The following MN1 variants were observed in gnomAD, a reference collection of about 807,000 sequenced individuals.
The protein encoded by MN1 is MN1 proto-oncogene, transcriptional regulator.
A neutral mutation model predicts 86.9 loss-of-function variants in MN1; 19 were observed. The observed-to-expected ratio is 0.22, with a 90% CI of 0.15 to 0.32. The LOEUF is 0.32. MN1 is among the 10% of genes least tolerant of loss of function. MN1 has a pLI of 1.00. For missense variants in MN1, 1,841 were observed against 1,862.0 expected, an observed-to-expected ratio of 0.99 and a Z score of 0.21; for synonymous variants, 928 against 849.6, an observed-to-expected ratio of 1.09 and a Z score of -1.60.
At chr22:27,785,056 CCACACA>C (rs57257445) in intron 1 of MN1, among the ~76,000 whole-genome samples, 21,979 of 144,740 alleles carry the variant, frequency 0.15, 1,712 homozygotes, top group Non-Finnish European at 0.18. Context: ...CTGGCATCCG[CCACACA>C]CACACACACA....
chr22:27,800,959 G>A lies in MN1; in HGVS notation c.-416C>T, dbSNP rs1047072685. 3.5e-5 allele frequency: 12 copies of A among 340,138 alleles called. 2 individuals carry two copies. In the South Asian group the frequency reaches 4.5e-4, roughly 13 times the overall value. 21.1% of individuals were successfully genotyped at this position (340,138 alleles called of 1,614,324 possible). On this transcript the variant is annotated 5_prime_UTR_variant, in exon 1 of 2. Coordinates refer to ENST00000302326, the MANE Select transcript of MN1 (RefSeq NM_002430.3). ...CACCTTCTCAAGTCCGATTGGGTCTGCTGGGGAGCCCTCAGGACGCCGCCC... is the reference window on the plus strand; with the variant it reads ...CACCTTCTCAAGTCCGATTGGGTCTACTGGGGAGCCCTCAGGACGCCGCCC...
In MN1 at chr22:27,798,204, A is replaced by ACCGCCG; in HGVS notation, c.2334_2339dup (p.Gly782_Gly783dup). 1 of 1,527,596 alleles carries ACCGCCG rather than the reference A, an allele frequency of 6.5e-7. No individual in the cohort carries two copies. The highest frequency in any genetic ancestry group is 8.7e-7 in the Non-Finnish European group (1 of 1,146,062). The allele number at this position is 1,527,596 out of a possible 1,614,324, so 94.6% of individuals were successfully genotyped here. A position where few individuals can be genotyped will look rare whatever the true frequency, so the allele number is the denominator to read the frequency against. On this transcript the variant is annotated inframe_insertion, in exon 1 of 2. Transcript: ENST00000302326. Reference sequence around the variant, plus strand: ...GCTGCGGCGGGTAGGCACCCCCGCCACCGCCGCCACCAGAGCTGCCACCGC... The same window carrying ACCGCCG: ...GCTGCGGCGGGTAGGCACCCCCGCCACCGCCGCCGCCGCCACCAGAGCTGCCACCGC...
chr22:27,763,434 T>C (rs1004678312), intron 1 of MN1, among the ~76,000 whole-genome samples: 1 of 152,200 alleles, frequency 6.6e-6, no homozygotes, highest in South Asian at 2.1e-4. Flanking sequence ...TCACGCACTT[T>C]GGAGACAGAG....
intron 1 of MN1, among the ~76,000 whole-genome samples, chr22:27,773,688 G>A (rs939594268): frequency 1.3e-5 from 2 of 152,094 alleles, no homozygotes; most frequent in African/African-American, 4.8e-5. Flanking sequence ...ATAGAGTCTC[G>A]CTCTGTTGCC....
chr22:27,788,234 A>G (rs1933164085), intron 1 of MN1, among the ~76,000 whole-genome samples: 2 of 151,980 alleles, frequency 1.3e-5, no homozygotes, highest in East Asian at 1.9e-4. Context: ...CCGCACCCCA[A>G]TTTCCATCTA....
Position 27,799,288 on chromosome 22 carries a change from A to G in MN1, c.1256T>C (p.Met419Thr), listed in dbSNP as rs1396583416. Residue 419 changes from methionine (M) to threonine (T), a missense_variant, in exon 1 of 2, where the codon ATG becomes ACG. Transcript: ENST00000302326. ...GAAAACAGGCTCGGAATAAGGGTGC[A>G]TGCTCCGGTTCTCCAGCCGGTGGAT... ...YPIHRLENRS[M>T]HPYSEPVFSM... 6.3e-7 allele frequency: 1 copy of G among 1,587,740 alleles called. No homozygotes were observed. The highest frequency in any genetic ancestry group is 8.6e-7 in the Non-Finnish European group (1 of 1,167,012).
At chr22:27,787,443 T>G (rs1287550432) in intron 1 of MN1, among the ~76,000 whole-genome samples, 2 of 152,248 alleles carry the variant, frequency 1.3e-5, no homozygotes, top group East Asian at 3.9e-4. Context: ...AGACTCTTAA[T>G]TTCTCCAGCT....
Position 27,750,626 on chromosome 22 carries a change from A to C in MN1, c.*289T>G. The C allele has an allele frequency of 6.7e-6, 2 of 297,042 alleles. No individual in the cohort carries two copies. Among genetic ancestry groups the C allele is most frequent in the Non-Finnish European group, 1.2e-5 (2 of 161,422 alleles). The allele number at this position is 297,042 out of a possible 1,614,324, so 18.4% of individuals were successfully genotyped here. On this transcript the variant is annotated 3_prime_UTR_variant, in exon 2 of 2. Coordinates refer to ENST00000302326, the MANE Select transcript of MN1 (RefSeq NM_002430.3). The stretch of plus-strand genomic sequence containing the variant: ...CGAAACATGGGGAGTATCTAGAGGA[A>C]AAAGGCTTAAGCAAAAGTTTGCTAA...
chr22:27,789,813 A>G (rs970804355), intron 1 of MN1, among the ~76,000 whole-genome samples: 2 of 152,250 alleles, frequency 1.3e-5, no homozygotes, highest in African/African-American at 4.8e-5. Flanking sequence ...TGCAATCACT[A>G]TAAAGTTCTC....
intron 1 of MN1, among the ~76,000 whole-genome samples, chr22:27,756,302 C>T (rs1382322686): frequency 3.9e-5 from 6 of 152,202 alleles, no homozygotes; most frequent in African/African-American, 1.4e-4. Flanking sequence ...AAACAGGCCT[C>T]GTCATCACCC....
At chr22:27,796,233 C>CA (rs1307525703) in intron 1 of MN1, among the ~76,000 whole-genome samples, 1 of 152,104 alleles carries the variant, frequency 6.6e-6, no homozygotes, top group East Asian at 1.9e-4. Context: ...GTGATGCTGC[C>CA]GACACCAGGG....
intron 1 of MN1, among the ~76,000 whole-genome samples, chr22:27,752,868 G>A (rs939881790): frequency 1.3e-5 from 2 of 152,298 alleles, no homozygotes; most frequent in Admixed American, 6.5e-5. Flanking sequence ...CTCCATGACC[G>A]GCCTGCCCTC....
chr22:27,766,856 T>C (rs1932873719), intron 1 of MN1, among the ~76,000 whole-genome samples: 1 of 152,150 alleles, frequency 6.6e-6, no homozygotes, highest in African/African-American at 2.4e-5. Flanking sequence ...GAGTTTGTAG[T>C]ACGCTGTCAC....
intron 1 of MN1, among the ~76,000 whole-genome samples, chr22:27,764,368 GC>G (rs1175307992): frequency 1.3e-5 from 2 of 152,194 alleles, no homozygotes; most frequent in African/African-American, 4.8e-5. Context: ...CTGGCCAGGT[GC>G]CCAAGGCAGC....
At chr22:27,779,011 CA>C (rs1485310105) in intron 1 of MN1, among the ~76,000 whole-genome samples, 1 of 152,298 alleles carries the variant, frequency 6.6e-6, no homozygotes, top group East Asian at 1.9e-4. Flanking sequence ...CCCACCCCTG[CA>C]GAGATGGGGG....
intron 1 of MN1, among the ~76,000 whole-genome samples, chr22:27,789,702 T>G (rs1316184706): frequency 6.6e-6 from 1 of 152,260 alleles, no homozygotes; most frequent in Non-Finnish European, 1.5e-5. Context: ...AGCATGTTAT[T>G]ACAAATGCTC....
At chr22:27,796,435 G>A (rs12157905) in intron 1 of MN1, among the ~76,000 whole-genome samples, 5,986 of 151,384 alleles carry the variant, frequency 0.04, 421 homozygotes, top group African/African-American at 0.14. Context: ...TGAAAGGGAA[G>A]GGGCAATTCA....
At chr22:27,755,976 C>T (rs905563915) in intron 1 of MN1, among the ~76,000 whole-genome samples, 4 of 152,204 alleles carry the variant, frequency 2.6e-5, no homozygotes, top group African/African-American at 7.2e-5. Context: ...ATAATAGGAC[C>T]GGCCGTGATG....
At chr22:27,770,240 G>T (rs1392771229) in intron 1 of MN1, among the ~76,000 whole-genome samples, 1 of 152,192 alleles carries the variant, frequency 6.6e-6, no homozygotes, top group African/African-American at 2.4e-5. Flanking sequence ...GGTGTAACCT[G>T]GATTTTAGAA....
Sources: gnomAD v4.1 joint callset for allele counts (sites outside exome capture counted in the v4.1 genomes callset) on GRCh38, gnomAD v4.1.1 for gene constraint, MANE v1.5 for transcripts, NCBI Gene and HGNC (gene_info 2026-07-23, HGNC 2026-07-21) for gene names.